GNA14: variants seen among roughly 807,000 people sequenced by gnomAD.
GNA14 encodes the protein guanine nucleotide-binding protein subunit alpha-14.
Under a neutral mutation model 42.0 loss-of-function variants are expected in GNA14, and 50 were observed. That is an observed-to-expected ratio of 1.19 (90% CI 0.95 to 1.51). The LOEUF (loss-of-function observed/expected upper bound fraction) is 1.51, where lower values mean the gene tolerates loss of function less well. GNA14 is among the 40% of genes most tolerant of loss of function. The pLI, the probability that GNA14 is intolerant of heterozygous loss-of-function variation, is 0.00. For missense variants in GNA14, 473 were observed against 446.2 expected (o/e 1.06, Z -0.54); for synonymous variants, 173 against 163.1 (o/e 1.06, Z -0.46).
intron 2 of GNA14, among the ~76,000 whole-genome samples, chr9:77,509,270 T>C (rs1387689267): frequency 6.6e-6 from 1 of 152,242 alleles, no homozygotes; most frequent in Non-Finnish European, 1.5e-5. Flanking sequence ...CTGTGGTATG[T>C]GTCAGAATTT....
intron 2 of GNA14, chr9:77,517,637 C>T (rs1837280820): frequency 1.1e-5 from 1 of 91,388 alleles, no homozygotes; most frequent in Middle Eastern, 0.013. Flanking sequence ...GACAGAGTAT[C>T]ACTCTGTCAC....
chr9:77,555,620 T>C (rs551844109), intron 1 of GNA14, among the ~76,000 whole-genome samples: 23 of 152,308 alleles, frequency 1.5e-4, no homozygotes, highest in South Asian at 2.1e-4. Flanking sequence ...AGATGATTGT[T>C]GTGTTCTTTC....
intron 2 of GNA14, among the ~76,000 whole-genome samples, chr9:77,507,328 A>G (rs1419717351): frequency 6.6e-6 from 1 of 152,240 alleles, no homozygotes. Flanking sequence ...GGGGTGAGGA[A>G]GAGGTCAGGT....
chr9:77,482,779 T>C (rs1836579846), intron 2 of GNA14, among the ~76,000 whole-genome samples: 1 of 152,166 alleles, frequency 6.6e-6, no homozygotes, highest in Non-Finnish European at 1.5e-5. Context: ...TCTCTAAACT[T>C]CTCTTCTTGC....
At chr9:77,455,422 A>C (rs1027930075) in intron 2 of GNA14, among the ~76,000 whole-genome samples, 1 of 152,216 alleles carries the variant, frequency 6.6e-6, no homozygotes, top group East Asian at 1.9e-4. Context: ...CACTTTGTAT[A>C]TCCCATAATC....
chr9:77,606,628 T>C (rs746540897), intron 1 of GNA14, among the ~76,000 whole-genome samples: 4 of 152,220 alleles, frequency 2.6e-5, no homozygotes, highest in Non-Finnish European at 4.4e-5. Context: ...TCTTTCAGAA[T>C]GCTGCCACCA....
At chr9:77,636,562 C>T (rs1824187424) in intron 1 of GNA14, among the ~76,000 whole-genome samples, 1 of 152,128 alleles carries the variant, frequency 6.6e-6, no homozygotes, top group Non-Finnish European at 1.5e-5. Context: ...TAGGCATCTG[C>T]ATCTGATGAG....
At chr9:77,518,953 G>A (rs770064209) in intron 2 of GNA14, among the ~76,000 whole-genome samples, 1 of 152,162 alleles carries the variant, frequency 6.6e-6, no homozygotes, top group African/African-American at 2.4e-5. Flanking sequence ...AATTAAACCT[G>A]ACAGGGTTTT....
In GNA14 at chr9:77,609,228, G is replaced by C. The variant is rs150465930; in HGVS notation, c.124+38442C>G. On this transcript the variant is annotated intron_variant, in intron 1 of 6. Coordinates refer to ENST00000341700, the MANE Select transcript of GNA14 (RefSeq NM_004297.4). ...TGGAACACAAACACAATGCAATCTA[G>C]TGCTCTGTCACTTTATAATAAAGTA... Among the ~76,000 whole-genome samples, 425 of 152,214 alleles carry C rather than the reference G, an allele frequency of 2.8e-3. 1 individual carries two copies. The highest frequency in any genetic ancestry group is 9.7e-3 in the African/African-American group (404 of 41,528).
intron 2 of GNA14, among the ~76,000 whole-genome samples, chr9:77,458,670 CTAGAG>C (rs1466937564): frequency 6.6e-6 from 1 of 152,136 alleles, no homozygotes; most frequent in Non-Finnish European, 1.5e-5. Context: ...TACTGTTTTC[CTAGAG>C]TAAAGATACT....
chr9:77,605,162 T>G (rs1266413362), intron 1 of GNA14, among the ~76,000 whole-genome samples: 1 of 152,240 alleles, frequency 6.6e-6, no homozygotes, highest in African/African-American at 2.4e-5. Context: ...CCAGCTGAGC[T>G]ATGGTGAATG....
At chr9:77,499,619 G>C in intron 2 of GNA14, among the ~76,000 whole-genome samples, 1 of 152,212 alleles carries the variant, frequency 6.6e-6, no homozygotes, top group East Asian at 1.9e-4. Context: ...GGGAGGCTGA[G>C]GGGGGTGGAT....
intron 3 of GNA14, among the ~76,000 whole-genome samples, chr9:77,433,979 A>C (rs1835600563): frequency 6.6e-6 from 1 of 152,218 alleles, no homozygotes; most frequent in African/African-American, 2.4e-5. Flanking sequence ...CCAGAAAGGC[A>C]GAGGGATATA....
At chr9:77,442,145 A>G (rs1360756540) in intron 2 of GNA14, among the ~76,000 whole-genome samples, 1 of 152,204 alleles carries the variant, frequency 6.6e-6, no homozygotes, top group Admixed American at 6.5e-5. Flanking sequence ...GCTAAGGCAC[A>G]CGGATCACTT....
intron 1 of GNA14, among the ~76,000 whole-genome samples, chr9:77,613,881 G>A (rs1486212014): frequency 6.6e-6 from 1 of 152,098 alleles, no homozygotes; most frequent in African/African-American, 2.4e-5. Context: ...GGAAATGAGA[G>A]GAACATGTTC....
chr9:77,620,972 C>CA (rs1271742158), intron 1 of GNA14, among the ~76,000 whole-genome samples: 2 of 151,648 alleles, frequency 1.3e-5, no homozygotes, highest in African/African-American at 4.8e-5. Context: ...TCACTCCTAT[C>CA]ACCCAGGCTG....
At chr9:77,525,416 G>A (rs1358485735) in intron 2 of GNA14, among the ~76,000 whole-genome samples, 1 of 152,166 alleles carries the variant, frequency 6.6e-6, no homozygotes, top group South Asian at 2.1e-4. Flanking sequence ...GAAAGTTTAT[G>A]CAACAGGAAT....
intron 2 of GNA14, among the ~76,000 whole-genome samples, chr9:77,487,629 C>T (rs1836683293): frequency 6.6e-6 from 1 of 152,234 alleles, no homozygotes; most frequent in Non-Finnish European, 1.5e-5. Context: ...ATAGGCACTA[C>T]TGAGTCCTAA....
At chr9:77,618,611 TATATATATA>T (rs1427109882) in intron 1 of GNA14, among the ~76,000 whole-genome samples, 32 of 15,162 alleles carry the variant, frequency 2.1e-3, no homozygotes, top group South Asian at 5.7e-3. Flanking sequence ...TATATATATA[TATATATATA>T]TTTTTTTTTT....
Sources: gnomAD v4.1 joint callset for allele counts (sites outside exome capture counted in the v4.1 genomes callset) on GRCh38, gnomAD v4.1.1 for gene constraint, MANE v1.5 for transcripts, NCBI Gene and HGNC (gene_info 2026-07-23, HGNC 2026-07-21) for gene names.